Variants in RAI14 observed in about 807,000 individuals in gnomAD.
RAI14 encodes ankycorbin.
RAI14 carries 45 observed loss-of-function variants against 115.4 expected under a neutral mutation model. The ratio of observed to expected loss-of-function variants is 0.39; its 90% confidence interval spans 0.31 to 0.50. The LOEUF (loss-of-function observed/expected upper bound fraction) is 0.50, where lower values mean the gene tolerates loss of function less well. RAI14 is among the 20% of genes least tolerant of loss of function. The pLI is 0.85. For missense variants in RAI14, 939 were observed against 1,131.2 expected, an observed-to-expected ratio of 0.83 and a Z score of 2.44; for synonymous variants, 371 against 415.4, an observed-to-expected ratio of 0.89 and a Z score of 1.30.
intron 11 of RAI14, 21 bp downstream of exon 11, chr5:34,813,681 A>G (rs1455431182): frequency 6.4e-7 from 1 of 1,565,896 alleles, no homozygotes; most frequent in East Asian, 2.3e-5. Flanking sequence ...AAGCAAACCA[A>G]CAATCAATAA....
chr5:34,699,505 CA>C (rs1168904168), intron 2 of RAI14, among the ~76,000 whole-genome samples: 2 of 152,202 alleles, frequency 1.3e-5, no homozygotes, highest in Non-Finnish European at 2.9e-5. Context: ...TCCCTGTTTG[CA>C]TGTTTGTTAC....
At chr5:34,681,804 C>A (rs114679908) in intron 1 of RAI14, among the ~76,000 whole-genome samples, 9 of 151,414 alleles carry the variant, frequency 5.9e-5, no homozygotes, top group African/African-American at 1.9e-4. Flanking sequence ...CGCCCTGCTG[C>A]ATTTCTTTTT....
Position 34,823,795 on chromosome 5 carries a change from G to A in RAI14, c.1953G>A (p.Leu651=). Reference sequence around the variant, plus strand: ...AACAGGTGAGCGAGCTGTCACAGCTGTACAAAGAAGCCCAGGCTGAGCTGG... The same window carrying A: ...AACAGGTGAGCGAGCTGTCACAGCTATACAAAGAAGCCCAGGCTGAGCTGG... ...LNKQVSELSQ[L]YKEAQAELED... The change falls in exon 15 of 18, where the codon CTG becomes CTA. Residue 651 remains leucine, a synonymous_variant. Coordinates refer to ENST00000265109, the MANE Select transcript of RAI14 (RefSeq NM_015577.3). This position sits in a 1 kb window ranked among gnomAD's most constrained non-coding sequence, Gnocchi z 4.5. The A allele has an allele frequency of 6.2e-7, 1 of 1,614,188 alleles. No individual in the cohort carries two copies. Among genetic ancestry groups the A allele is most frequent in the Non-Finnish European group, 8.5e-7 (1 of 1,180,036 alleles).
chr5:34,706,772 A>G (rs1416400089), intron 2 of RAI14, among the ~76,000 whole-genome samples: 2 of 152,158 alleles, frequency 1.3e-5, no homozygotes, highest in African/African-American at 4.8e-5. Flanking sequence ...CAGAAATAAT[A>G]CTTGTGCCCT....
Position 34,739,999 on chromosome 5 carries a change from G to A in RAI14, c.37-17469G>A, listed in dbSNP as rs573293989. Reference sequence around the variant, plus strand: ...ATCCAAGAGACAGAGGTTGCAGTGAGCTGAGGTCGCACCACTGCACTCCAG... The same window carrying A: ...ATCCAAGAGACAGAGGTTGCAGTGAACTGAGGTCGCACCACTGCACTCCAG... On this transcript the variant is annotated intron_variant, in intron 2 of 17. Coordinates refer to ENST00000265109, the MANE Select transcript of RAI14 (RefSeq NM_015577.3). Among the ~76,000 whole-genome samples, 39 of 152,256 alleles carry A rather than the reference G, an allele frequency of 2.6e-4. No individual in the cohort carries two copies. In the Middle Eastern group the frequency reaches 0.014, roughly 53 times the overall value.
chr5:34,659,355 T>C (rs1742519880), intron 1 of RAI14, among the ~76,000 whole-genome samples: 2 of 152,094 alleles, frequency 1.3e-5, no homozygotes, highest in African/African-American at 4.8e-5. Context: ...ACAGCCTCAA[T>C]CTCCTGGGCT....
At position 34,832,317 on chromosome 5, in the gene RAI14, T is replaced by C. The variant is rs956133670; in HGVS notation, c.*1552T>C. The stretch of plus-strand genomic sequence containing the variant: ...TTACTTTTCTTAAGTTGTTTAATTA[T>C]AGTTAAGCAATTTCAAAAATGCTCC... On this transcript the variant is annotated 3_prime_UTR_variant, in exon 18 of 18. Coordinates refer to ENST00000265109, the MANE Select transcript of RAI14 (RefSeq NM_015577.3). 3.3e-5 allele frequency: 5 copies of C among 152,670 alleles called. No homozygotes were observed. The highest frequency in any genetic ancestry group is 1.2e-4 in the African/African-American group (5 of 41,468). The allele number at this position is 152,670 out of a possible 1,614,324, so 9.5% of individuals were successfully genotyped here.
rs1561063254 is a variant in RAI14 at position 34,807,781 on chromosome 5, AT to A, written c.322-16del. 1 of 1,583,222 alleles carries A rather than the reference AT, an allele frequency of 6.3e-7. No individual in the cohort carries two copies. The highest frequency in any genetic ancestry group is 1.7e-5 in the Admixed American group (1 of 59,962). On this transcript the variant is annotated intron_variant, in intron 5 of 17. Coordinates refer to ENST00000265109, the MANE Select transcript of RAI14 (RefSeq NM_015577.3). ...GCAGGGTATTTTATTATATGGATGT[AT>A]TTATTTTTGTCTTATAGTCTAAATG... is the stretch of plus-strand genomic sequence containing the variant.
intron 3 of RAI14, among the ~76,000 whole-genome samples, chr5:34,784,536 G>T (rs557465521): frequency 6.6e-6 from 1 of 152,272 alleles, no homozygotes; most frequent in South Asian, 2.1e-4. Flanking sequence ...TCATATCCAT[G>T]TAATTTAACA....
intron 4 of RAI14, among the ~76,000 whole-genome samples, chr5:34,799,066 A>G (rs1027987336): frequency 6.6e-6 from 1 of 152,194 alleles, no homozygotes; most frequent in African/African-American, 2.4e-5. Flanking sequence ...CAAAAGAAGA[A>G]CACTGCATGG....
Position 34,665,178 on chromosome 5 carries a change from C to CATATATGTGTATAT in RAI14, c.-49+8709_-49+8710insGTGTATATATATAT, listed in dbSNP as rs1554037638. ...GTGTGTGTATATATATATATACACACATATATATATGTATATATATACACA... is the reference window on the plus strand; with the variant it reads ...GTGTGTGTATATATATATATACACACATATATGTGTATATATATATATATGTATATATATACACA... On this transcript the variant is annotated intron_variant, in intron 1 of 17. Coordinates refer to ENST00000265109, the MANE Select transcript of RAI14 (RefSeq NM_015577.3). Among the ~76,000 whole-genome samples the CATATATGTGTATAT allele has an allele frequency of 2.8e-4, 2 of 7,094 alleles. 1 individual carries two copies. Among genetic ancestry groups the CATATATGTGTATAT allele is most frequent in the Middle Eastern group, 0.12 (2 of 16 alleles). 4.7% of individuals were successfully genotyped at this position (7,094 alleles called of 152,430 possible).
chr5:34,702,482 C>CG (rs1251587006), intron 2 of RAI14, among the ~76,000 whole-genome samples: 1 of 152,054 alleles, frequency 6.6e-6, no homozygotes, highest in Non-Finnish European at 1.5e-5. Context: ...CTGTCTCAGG[C>CG]GGGGGGCAAG....
At chr5:34,658,154 GGT>G (rs1407594772) in intron 1 of RAI14, among the ~76,000 whole-genome samples, 1 of 152,150 alleles carries the variant, frequency 6.6e-6, no homozygotes, top group African/African-American at 2.4e-5. Flanking sequence ...AGATGGTGGT[GGT>G]GGTGGTGTGA....
chr5:34,745,122 C>T lies in RAI14; in HGVS notation c.37-12346C>T, dbSNP rs74808500. Among the ~76,000 whole-genome samples, 1,288 of 152,276 alleles carry T rather than the reference C, an allele frequency of 8.5e-3. 22 individuals carry two copies. The highest frequency in any genetic ancestry group is 0.03 in the African/African-American group (1,251 of 41,538). On this transcript the variant is annotated intron_variant, in intron 2 of 17. Transcript: ENST00000265109. ...AAGACCCTATTATCCAATAAGGTTA[C>T]ATTCTGTGGTACTGGGAAAATGTGC...
rs770134601 is a variant in RAI14 at position 34,829,759 on chromosome 5, A to G, written c.2827A>G (p.Ile943Val). ...AECKKQHQEV[I>V]SVYRMHLLYA... The stretch of plus-strand genomic sequence containing the variant: ...ATGCAAGAAACAACACCAGGAGGTC[A>G]TATCAGTTTACAGAATGCATCTTCT... Residue 943 changes from isoleucine to valine, a missense_variant, in exon 17 of 18, where the codon ATA becomes GTA. By Grantham distance (29) the Ile-to-Val change is conservative. Transcript: ENST00000265109. 1 of 1,612,202 alleles carries G rather than the reference A, an allele frequency of 6.2e-7. No individual in the cohort carries two copies. Among genetic ancestry groups the G allele is most frequent in the Admixed American group, 1.7e-5 (1 of 59,848 alleles).
chr5:34,831,107 G>A lies in RAI14; in HGVS notation c.*342G>A. 4.0e-6 allele frequency: 1 copy of A among 248,416 alleles called. No homozygotes were observed. Among genetic ancestry groups the A allele is most frequent in the South Asian group, 6.1e-5 (1 of 16,276 alleles). The allele number at this position is 248,416 out of a possible 1,614,324, so 15.4% of individuals were successfully genotyped here. A position where few individuals can be genotyped will look rare whatever the true frequency, so the allele number is the denominator to read the frequency against. On this transcript the variant is annotated 3_prime_UTR_variant, in exon 18 of 18. Coordinates refer to ENST00000265109, the MANE Select transcript of RAI14 (RefSeq NM_015577.3). The stretch of plus-strand genomic sequence containing the variant: ...CTTTATCACCACCGAGTGATGTGCT[G>A]AGGCCTCCTGCAGTGAATGCTCCTT...
intron 2 of RAI14, among the ~76,000 whole-genome samples, chr5:34,739,723 C>T (rs777177352): frequency 6.6e-6 from 1 of 152,102 alleles, no homozygotes. Context: ...CATCACTAGC[C>T]TTGTGTCAGC....
At chr5:34,813,108 T>G (rs1250849107) in intron 10 of RAI14, among the ~76,000 whole-genome samples, 1 of 152,238 alleles carries the variant, frequency 6.6e-6, no homozygotes, top group African/African-American at 2.4e-5. Flanking sequence ...AAACAGCAAA[T>G]ACTCAATACT....
intron 2 of RAI14, among the ~76,000 whole-genome samples, chr5:34,692,450 C>A (rs528725027): frequency 6.6e-6 from 1 of 151,872 alleles, no homozygotes; most frequent in South Asian, 2.1e-4. Context: ...AAGTCTCTGG[C>A]GTGAACCTGG....
Sources: allele counts gnomAD v4.1 joint callset (sites outside exome capture counted in the v4.1 genomes callset), GRCh38; gene constraint gnomAD v4.1.1; non-coding constraint Gnocchi (gnomAD v3.1); transcripts MANE v1.5; gene names NCBI Gene and HGNC (gene_info 2026-07-23, HGNC 2026-07-21).